Variants in DPP6 observed in about 807,000 individuals in gnomAD.
DPP6 encodes A-type potassium channel modulatory protein DPP6.
Under a neutral mutation model 122.6 loss-of-function variants are expected in DPP6, and 69 were observed. That is an observed-to-expected ratio of 0.56 (90% CI 0.46 to 0.69). The LOEUF (loss-of-function observed/expected upper bound fraction) is 0.69. Ranked by LOEUF, DPP6 falls within the 30% of genes least tolerant of loss-of-function variation. The pLI, the probability that DPP6 is intolerant of heterozygous loss-of-function variation, is 0.00. For synonymous variants in DPP6, 418 were observed against 433.1 expected, an observed-to-expected ratio of 0.97 and a Z score of 0.43; for missense variants, 928 against 1,116.9, an observed-to-expected ratio of 0.83 and a Z score of 2.41.
chr7:154,761,963 C>T lies in DPP6; in HGVS notation c.884-7454C>T, dbSNP rs562861949. ...TGCAGTGTTTGGTTTTCTGTCCTTG[C>T]GATAGTTTGCTCAGAATGATGGTTT... On this transcript the variant is annotated intron_variant, in intron 8 of 25. Coordinates refer to ENST00000377770, the MANE Select transcript of DPP6 (RefSeq NM_130797.4). Among the ~76,000 whole-genome samples the T allele has an allele frequency of 6.6e-5, 10 of 152,204 alleles. No homozygotes were observed. The East Asian group carries it at 9.7e-4, about 15-fold the overall frequency.
intron 1 of DPP6, among the ~76,000 whole-genome samples, chr7:154,194,114 TCTTATTTTTC>T (rs1798745734): frequency 6.6e-6 from 1 of 152,122 alleles, no homozygotes; most frequent in Non-Finnish European, 1.5e-5. Context: ...TTGACAAAAT[TCTTATTTTTC>T]CTTAAGTGTT....
chr7:154,116,498 A>G (rs963499031), intron 1 of DPP6, among the ~76,000 whole-genome samples: 6 of 152,242 alleles, frequency 3.9e-5, no homozygotes, highest in African/African-American at 1.4e-4. Context: ...TCTCCCAGAA[A>G]GTCATTGAAC....
At chr7:154,740,302 T>C (rs567624992) in intron 8 of DPP6, among the ~76,000 whole-genome samples, 57 of 152,222 alleles carry the variant, frequency 3.7e-4, no homozygotes, top group Admixed American at 2.2e-3. Context: ...TAATTTCTTT[T>C]TTTTTTTTTT....
chr7:154,656,783 A>G (rs1837288655), intron 6 of DPP6, among the ~76,000 whole-genome samples: 1 of 110,660 alleles, frequency 9.0e-6, no homozygotes, highest in Non-Finnish European at 1.9e-5. Context: ...GCGTGGGAGG[A>G]GGTACTCATG....
At chr7:154,046,817 C>T (rs1800038579) in intron 1 of DPP6, among the ~76,000 whole-genome samples, 1 of 152,202 alleles carries the variant, frequency 6.6e-6, no homozygotes, top group South Asian at 2.1e-4. Flanking sequence ...TGCTCACACT[C>T]AACCCTCCCT....
At chr7:153,886,710 T>C (rs1402950113), upstream of DPP6, among the ~76,000 whole-genome samples, 1 of 152,146 alleles carries the variant, frequency 6.6e-6, no homozygotes, top group Non-Finnish European at 1.5e-5. Context: ...AGTGCAACCA[T>C]GGAGACGCGA....
chr7:153,886,797 C>G (rs1798935075), upstream of DPP6, among the ~76,000 whole-genome samples: 1 of 152,312 alleles, frequency 6.6e-6, no homozygotes, highest in South Asian at 2.1e-4. Context: ...CCCCTCCGCT[C>G]CCTCGCCAGA....
At chr7:154,373,241 T>C (rs1812829136) in intron 1 of DPP6, among the ~76,000 whole-genome samples, 1 of 152,244 alleles carries the variant, frequency 6.6e-6, no homozygotes, top group Admixed American at 6.5e-5. Flanking sequence ...ACAGTCTGTG[T>C]AGTCTCTTCC....
chr7:154,422,353 C>T (rs1025736901), intron 1 of DPP6, among the ~76,000 whole-genome samples: 1 of 152,112 alleles, frequency 6.6e-6, no homozygotes, highest in African/African-American at 2.4e-5. Context: ...AGAAGCTTCC[C>T]ATAGAAGCAA....
chr7:153,785,243 C>T, the DPP6 span, among the ~76,000 whole-genome samples: 4 of 152,152 alleles, frequency 2.6e-5, no homozygotes, highest in Non-Finnish European at 4.4e-5. Context: ...TCTGCACGTT[C>T]TGCTCTGCTC....
the DPP6 span, among the ~76,000 whole-genome samples, chr7:153,773,865 A>T: frequency 6.6e-6 from 1 of 150,728 alleles, no homozygotes; most frequent in African/African-American, 2.4e-5. Context: ...ACAAAGACAA[A>T]AAAAAAAAAG....
At chr7:154,227,215 G>GACACACACACACACACACACACACACAC (rs1554495537) in intron 1 of DPP6, among the ~76,000 whole-genome samples, 3,162 of 141,392 alleles carry the variant, frequency 0.022, 80 homozygotes, top group African/African-American at 0.051. Flanking sequence ...GAAAATGAGG[G>GACACACACACACACACACACACACACAC]ACACACACAC....
intron 1 of DPP6, among the ~76,000 whole-genome samples, chr7:154,428,146 T>C (rs1473556716): frequency 1.3e-5 from 2 of 152,316 alleles, no homozygotes; most frequent in South Asian, 2.1e-4. Context: ...ATAACTTCTG[T>C]TGAGAGATTT....
intron 5 of DPP6, among the ~76,000 whole-genome samples, chr7:154,592,904 G>T (rs947379814): frequency 1.8e-4 from 27 of 152,268 alleles, no homozygotes; most frequent in Admixed American, 3.3e-4. Context: ...ACAGAGGAGG[G>T]GGAACACAAC....
intron 1 of DPP6, among the ~76,000 whole-genome samples, chr7:154,271,980 A>T (rs1033553118): frequency 1.1e-4 from 16 of 152,232 alleles, no homozygotes; most frequent in African/African-American, 3.9e-4. Flanking sequence ...AGCTATGTGG[A>T]TGGATAACTA....
chr7:154,062,756 G>A (rs1416420760), intron 1 of DPP6, among the ~76,000 whole-genome samples: 1 of 77,918 alleles, frequency 1.3e-5, no homozygotes, highest in East Asian at 4.0e-4. Flanking sequence ...CGCGAGGCAG[G>A]GACTGAGAGC....
rs989268987 is a variant in DPP6, at chr7:154,021,800, C to T, written c.51+134066C>T. On this transcript the variant is annotated intron_variant, in intron 1 of 25. Coordinates refer to the DPP6 transcript ENST00000404039. ...GGTGTCCCAGCTCCTGGACTCTAAG[C>T]CTCCCTGTTTCATTTATCAAAGAGA... Among the ~76,000 whole-genome samples, 7 of 152,160 alleles carry T rather than the reference C, an allele frequency of 4.6e-5. 1 individual carries two copies. The highest frequency in any genetic ancestry group is 1.7e-4 in the African/African-American group (7 of 41,432).
chr7:154,053,736 C>G (rs964718609), intron 1 of DPP6, among the ~76,000 whole-genome samples: 2 of 152,106 alleles, frequency 1.3e-5, no homozygotes, highest in Non-Finnish European at 2.9e-5. Context: ...GTCTCCCCTC[C>G]CAGCCCTGGA....
chr7:154,787,840 G>T (rs1183276669), intron 10 of DPP6, among the ~76,000 whole-genome samples: 1 of 152,080 alleles, frequency 6.6e-6, no homozygotes, highest in African/African-American at 2.4e-5. Flanking sequence ...TCTTATTCCA[G>T]AAACATAGGT....
Sources: gnomAD v4.1 joint callset for allele counts (sites outside exome capture counted in the v4.1 genomes callset) on GRCh38, gnomAD v4.1.1 for gene constraint, MANE v1.5 for transcripts, NCBI Gene and HGNC (gene_info 2026-07-23, HGNC 2026-07-21) for gene names.